Variants in B3GALT1 observed in about 807,000 individuals in gnomAD.
The protein encoded by B3GALT1 is beta-1,3-galactosyltransferase 1, also known as UDP-Gal:betaGlcNAc beta 1,3-galactosyltransferase, polypeptide 1.
In B3GALT1, 10 loss-of-function variants were observed where a neutral mutation model predicts 23.2. The observed-to-expected ratio is 0.43, with a 90% CI of 0.27 to 0.73. The LOEUF is 0.73. Among genes scored for constraint, B3GALT1 ranks in the 30% least tolerant of loss-of-function variants. The pLI is 0.21. For synonymous variants in B3GALT1, 156 were observed against 141.5 expected, an observed-to-expected ratio of 1.10 and a Z score of -0.73; for missense variants, 299 against 405.4, an observed-to-expected ratio of 0.74 and a Z score of 2.25.
intron 2 of B3GALT1, among the ~76,000 whole-genome samples, chr2:167,514,838 TGTAAAAATAG>T (rs1176427084): frequency 6.6e-6 from 1 of 152,120 alleles, no homozygotes; most frequent in African/African-American, 2.4e-5. Context: ...AAAGGTGAAA[TGTAAAAATAG>T]GTAATAGGAT....
At chr2:167,564,312 G>A (rs183097558) in intron 2 of B3GALT1, among the ~76,000 whole-genome samples, 1,694 of 151,298 alleles carry the variant, frequency 0.011, 22 homozygotes, top group African/African-American at 0.035. Flanking sequence ...GATGGCGGCC[G>A]GGAAGAGGCG....
At chr2:167,345,177 C>T (rs1697209322) in intron 1 of B3GALT1, among the ~76,000 whole-genome samples, 1 of 151,870 alleles carries the variant, frequency 6.6e-6, no homozygotes, top group Non-Finnish European at 1.5e-5. Context: ...ACTGTCCTTA[C>T]AAGCATCTCT....
At chr2:167,365,122 A>C (rs931006813) in intron 1 of B3GALT1, among the ~76,000 whole-genome samples, 2 of 152,148 alleles carry the variant, frequency 1.3e-5, no homozygotes, top group Admixed American at 1.3e-4. Context: ...ACAGTTTGGG[A>C]ATTTTTTGAC....
At chr2:167,446,175 A>G (rs1056767295) in intron 1 of B3GALT1, among the ~76,000 whole-genome samples, 17 of 152,280 alleles carry the variant, frequency 1.1e-4, no homozygotes, top group Middle Eastern at 6.8e-3. Context: ...TTTCTTTAAG[A>G]ATGTTGAATA....
intron 1 of B3GALT1, among the ~76,000 whole-genome samples, chr2:167,331,904 T>C (rs911035255): frequency 6.6e-6 from 1 of 152,134 alleles, no homozygotes; most frequent in African/African-American, 2.4e-5. Context: ...AGTCTGCAGT[T>C]GCGGTGGTTG....
rs925366678 is a variant in B3GALT1 at position 167,679,108 on chromosome 2, GTT to G, written c.-352+32148_-352+32149del. ...AACATTGTTTTTTGTTTTTGTTTTT[GTT>G]TTTTTGTTTTTGTTTTTTTTTTTGA... On this transcript the variant is annotated intron_variant, in intron 3 of 4. Transcript: ENST00000392690. Among the ~76,000 whole-genome samples, 83 of 137,764 alleles carry G rather than the reference GTT, an allele frequency of 6.0e-4. 1 individual carries two copies. Among genetic ancestry groups the G allele is most frequent in the African/African-American group, 2.0e-3 (79 of 39,366 alleles). The allele number at this position is 137,764 out of a possible 152,430, so 90.4% of individuals were successfully genotyped here. A position where few individuals can be genotyped will look rare whatever the true frequency, so the allele number is the denominator to read the frequency against.
At chr2:167,535,038 G>T (rs1185104934) in intron 2 of B3GALT1, among the ~76,000 whole-genome samples, 1 of 152,154 alleles carries the variant, frequency 6.6e-6, no homozygotes, top group African/African-American at 2.4e-5. Flanking sequence ...AAACCCAAGG[G>T]TCACTTCTAG....
chr2:167,395,844 A>G (rs1277768551), intron 1 of B3GALT1, among the ~76,000 whole-genome samples: 2 of 152,130 alleles, frequency 1.3e-5, no homozygotes. Flanking sequence ...GTTGGAGATG[A>G]AGTAAAGGTG....
chr2:167,371,805 T>C (rs1026663821), intron 1 of B3GALT1, among the ~76,000 whole-genome samples: 2 of 49,714 alleles, frequency 4.0e-5, no homozygotes, highest in Admixed American at 6.7e-4. Flanking sequence ...ATAAGAAATA[T>C]TAAGATGATA....
At chr2:167,562,297 G>A (rs1684017084) in intron 2 of B3GALT1, among the ~76,000 whole-genome samples, 1 of 152,160 alleles carries the variant, frequency 6.6e-6, no homozygotes, top group East Asian at 1.9e-4. Context: ...GGTATTGATG[G>A]GACATATCTC....
intron 3 of B3GALT1, among the ~76,000 whole-genome samples, chr2:167,653,980 T>C (rs1685909552): frequency 6.6e-6 from 1 of 152,182 alleles, no homozygotes; most frequent in Non-Finnish European, 1.5e-5. Flanking sequence ...GTCTTGGATA[T>C]GGCTCCAGTT....
intron 2 of B3GALT1, among the ~76,000 whole-genome samples, chr2:167,575,125 T>A (rs1684358636): frequency 6.6e-6 from 1 of 151,806 alleles, no homozygotes; most frequent in South Asian, 2.1e-4. Flanking sequence ...ATAGGAACTA[T>A]CTTATAGCCC....
chr2:167,293,289 G>A lies in B3GALT1; in HGVS notation c.-556G>A, dbSNP rs1007971410. 1 of 152,224 alleles carries A rather than the reference G, an allele frequency of 6.6e-6. No individual in the cohort carries two copies. The highest frequency in any genetic ancestry group is 1.5e-5 in the Non-Finnish European group (1 of 68,090). The allele number at this position is 152,224 out of a possible 1,614,324, so 9.4% of individuals were successfully genotyped here. ...TCGGGACCCTGGCTGCAGCGTCCCT[G>A]TGGCCCGCGCGCCAGCCCAGCGGCC... On this transcript the variant is annotated 5_prime_UTR_variant, in exon 1 of 5. In the 5' UTR this introduces an upstream ATG that the reference lacks. Coordinates refer to ENST00000392690, the MANE Select transcript of B3GALT1 (RefSeq NM_020981.4).
chr2:167,855,191 A>G (rs1040745484), intron 4 of B3GALT1, among the ~76,000 whole-genome samples: 12 of 152,110 alleles, frequency 7.9e-5, no homozygotes, highest in Non-Finnish European at 1.3e-4. Context: ...GCTGGACTAC[A>G]TTTTCCCTAC....
chr2:167,397,196 CTTCA>C (rs199601791), intron 1 of B3GALT1, among the ~76,000 whole-genome samples: 6 of 151,680 alleles, frequency 4.0e-5, no homozygotes, highest in Non-Finnish European at 8.8e-5. Flanking sequence ...AAATTCCTTC[CTTCA>C]TTCATTCATT....
chr2:167,299,708 G>A (rs1696415307), intron 1 of B3GALT1, among the ~76,000 whole-genome samples: 1 of 151,874 alleles, frequency 6.6e-6, no homozygotes, highest in Admixed American at 6.6e-5. Flanking sequence ...ATAATCTTTA[G>A]CTGACTAAAA....
At chr2:167,861,609 A>T (rs1690101296) in intron 4 of B3GALT1, among the ~76,000 whole-genome samples, 1 of 152,240 alleles carries the variant, frequency 6.6e-6, no homozygotes, top group Non-Finnish European at 1.5e-5. Context: ...ATAGCAAGTC[A>T]TTCTGTTCTC....
At chr2:167,774,435 T>G (rs1466674711) in intron 3 of B3GALT1, among the ~76,000 whole-genome samples, 6 of 151,870 alleles carry the variant, frequency 4.0e-5, no homozygotes, top group Non-Finnish European at 7.4e-5. Context: ...CTAGTATCCT[T>G]TGCATACCTG....
At chr2:167,712,409 A>G (rs1023394785) in intron 3 of B3GALT1, among the ~76,000 whole-genome samples, 6 of 151,434 alleles carry the variant, frequency 4.0e-5, no homozygotes, top group Non-Finnish European at 7.4e-5. Context: ...GTGAGTCCAC[A>G]TACCTGCAGA....
Sources: gnomAD v4.1 joint callset for allele counts (sites outside exome capture counted in the v4.1 genomes callset) on GRCh38, gnomAD v4.1.1 for gene constraint, MANE v1.5 for transcripts, NCBI Gene and HGNC (gene_info 2026-07-23, HGNC 2026-07-21) for gene names.